Variants in SLC1A1 observed in about 807,000 individuals in gnomAD.
SLC1A1 encodes excitatory amino acid transporter 3.
Under a neutral mutation model 53.3 loss-of-function variants are expected in SLC1A1, and 43 were observed. That is an observed-to-expected ratio of 0.81 (90% CI 0.63 to 1.04). The LOEUF is 1.04. Ranked by LOEUF, SLC1A1 falls within the 50% of genes least tolerant of loss-of-function variation. SLC1A1 has a pLI of 0.00. For missense variants in SLC1A1, 748 were observed against 664.9 expected (o/e 1.12, Z -1.37); for synonymous variants, 307 against 243.2 (o/e 1.26, Z -2.44).
Position 4,564,375 on chromosome 9 carries a change from T to C in SLC1A1, c.357T>C (p.Gly119=). Residue 119 remains glycine (G), a synonymous_variant, in exon 4 of 12, where the codon GGT becomes GGC. Coordinates refer to ENST00000262352, the MANE Select transcript of SLC1A1 (RefSeq NM_004170.6). The part of the protein sequence containing the change: ...GIVLVVSIKP[G]VTQKVGEIAR... ...TGCTGGTGGTGAGCATCAAGCCTGG[T>C]GTCACCCAGAAAGTGGGTGAAATTG... is the stretch of plus-strand genomic sequence containing the variant. 6.2e-7 allele frequency: 1 copy of C among 1,613,736 alleles called. No individual in the cohort carries two copies. The highest frequency in any genetic ancestry group is 2.2e-5 in the East Asian group (1 of 44,856).
At chr9:4,510,632 G>C (rs1162121245) in intron 1 of SLC1A1, among the ~76,000 whole-genome samples, 1 of 152,136 alleles carries the variant, frequency 6.6e-6, no homozygotes, top group Non-Finnish European at 1.5e-5. Flanking sequence ...CTCTTCCCTG[G>C]TGTTGATACA....
intron 1 of SLC1A1, among the ~76,000 whole-genome samples, chr9:4,492,940 C>T (rs558763039): frequency 2.0e-5 from 3 of 152,276 alleles, no homozygotes; most frequent in African/African-American, 4.8e-5. Flanking sequence ...GCACACCACT[C>T]GTCAGCATGC....
intron 5 of SLC1A1, among the ~76,000 whole-genome samples, chr9:4,566,867 A>C: frequency 6.6e-6 from 1 of 152,166 alleles, no homozygotes; most frequent in East Asian, 1.9e-4. Context: ...TGAGTCCATC[A>C]CAAACTGCTG....
chr9:4,564,606 A>G, intron 4 of SLC1A1, 148 bp downstream of exon 4: 1 of 688,416 alleles, frequency 1.5e-6, no homozygotes, highest in Non-Finnish European at 2.7e-6. Context: ...GGAACCCACA[A>G]ATTACATAGC....
chr9:4,578,035 C>G lies in SLC1A1; in HGVS notation c.1193+1272C>G, dbSNP rs188719348. ...TGGGTGGGGCTTACCAGAACAGGAA[C>G]GAGTGTAAGAGAAGCACATATAGGT... On this transcript the variant is annotated intron_variant, in intron 10 of 11. Coordinates refer to ENST00000262352, the MANE Select transcript of SLC1A1 (RefSeq NM_004170.6). Among the ~76,000 whole-genome samples, 226 of 152,260 alleles carry G rather than the reference C, an allele frequency of 1.5e-3. 1 individual carries two copies. Among genetic ancestry groups the G allele is most frequent in the Middle Eastern group, 0.01 (3 of 294 alleles).
chr9:4,562,015 C>A (rs149857041), intron 3 of SLC1A1, among the ~76,000 whole-genome samples: 2,931 of 151,438 alleles, frequency 0.019, 99 homozygotes, highest in African/African-American at 0.067. Context: ...GCCTCAGCCT[C>A]CCAAAGTGCT....
intron 2 of SLC1A1, among the ~76,000 whole-genome samples, chr9:4,555,908 G>C (rs1032003540): frequency 6.6e-6 from 1 of 152,102 alleles, no homozygotes; most frequent in African/African-American, 2.4e-5. Flanking sequence ...ATCTGTTACA[G>C]ATCAATAACC....
chr9:4,561,285 T>A (rs1033781614), intron 2 of SLC1A1, among the ~76,000 whole-genome samples, 164 bp from the exon 3 acceptor site: 1 of 152,162 alleles, frequency 6.6e-6, no homozygotes, highest in Non-Finnish European at 1.5e-5. Flanking sequence ...CTTAAATCTG[T>A]TTGGAATTTT....
Position 4,583,238 on chromosome 9 carries a change from T to A in SLC1A1, c.1328+66T>A. 6.3e-7 allele frequency: 1 copy of A among 1,599,230 alleles called. No individual in the cohort carries two copies. The highest frequency in any genetic ancestry group is 2.2e-5 in the East Asian group (1 of 44,814). On this transcript the variant is annotated intron_variant, in intron 11 of 11. Coordinates refer to ENST00000262352, the MANE Select transcript of SLC1A1 (RefSeq NM_004170.6). The surrounding 1 kb of genome is among the most constrained non-coding windows in gnomAD (Gnocchi z 4.6). The stretch of plus-strand genomic sequence containing the variant: ...GCGGGCTTCCCAGCCTCGCAGGCGC[T>A]GCAGTCTGTCATCATTCTCTCCTCA...
intron 1 of SLC1A1, among the ~76,000 whole-genome samples, chr9:4,502,595 C>A (rs1055865814): frequency 1.3e-5 from 2 of 151,438 alleles, no homozygotes; most frequent in African/African-American, 4.9e-5. Context: ...TCCCATTTTA[C>A]CAGATGAGGA....
chr9:4,566,767 A>G (rs1347115589), intron 5 of SLC1A1, among the ~76,000 whole-genome samples: 1 of 151,654 alleles, frequency 6.6e-6, no homozygotes, highest in East Asian at 1.9e-4. Context: ...CAAAGCCATG[A>G]TTTTTTTTTC....
intron 1 of SLC1A1, among the ~76,000 whole-genome samples, chr9:4,506,292 G>C (rs1820808493): frequency 1.3e-5 from 2 of 152,190 alleles, no homozygotes; most frequent in Admixed American, 1.3e-4. Context: ...CAGTGCTTTA[G>C]AATAACTTGC....
chr9:4,527,484 G>C (rs1331195164), intron 1 of SLC1A1, among the ~76,000 whole-genome samples: 6 of 152,096 alleles, frequency 3.9e-5, no homozygotes, highest in Admixed American at 3.9e-4. Flanking sequence ...GTTTTGTTAT[G>C]GCATTGATTA....
At chr9:4,548,846 T>C (rs1817695503) in intron 2 of SLC1A1, among the ~76,000 whole-genome samples, 1 of 152,182 alleles carries the variant, frequency 6.6e-6, no homozygotes, top group Non-Finnish European at 1.5e-5. Flanking sequence ...GAGACAATCA[T>C]TGTGGGTACC....
intron 1 of SLC1A1, among the ~76,000 whole-genome samples, chr9:4,542,231 T>C (rs1335127316): frequency 6.6e-6 from 1 of 152,112 alleles, no homozygotes; most frequent in Non-Finnish European, 1.5e-5. Context: ...TGGAGTACAA[T>C]TTGTGGCACT....
chr9:4,514,829 TTGA>T (rs1389091938), intron 1 of SLC1A1, among the ~76,000 whole-genome samples: 1 of 152,164 alleles, frequency 6.6e-6, no homozygotes, highest in African/African-American at 2.4e-5. Context: ...TTTTAGGAAG[TTGA>T]TGAAGTAGCC....
chr9:4,563,515 G>C (rs1049948110), intron 3 of SLC1A1, among the ~76,000 whole-genome samples: 9 of 152,170 alleles, frequency 5.9e-5, no homozygotes, highest in Admixed American at 3.3e-4. Flanking sequence ...TAGCAAAATG[G>C]ACCCATTCAG....
intron 6 of SLC1A1, among the ~76,000 whole-genome samples, chr9:4,568,636 G>C (rs952487739): frequency 6.7e-6 from 1 of 150,090 alleles, no homozygotes; most frequent in African/African-American, 2.5e-5. Context: ...CAGGAGGATC[G>C]TTTGAGCTAT....
chr9:4,497,293 G>T (rs1476191163), intron 1 of SLC1A1, among the ~76,000 whole-genome samples: 5 of 152,092 alleles, frequency 3.3e-5, no homozygotes, highest in Non-Finnish European at 7.4e-5. Flanking sequence ...GGCAGAGCCG[G>T]GATTCAAACC....
Sources: allele counts gnomAD v4.1 joint callset (sites outside exome capture counted in the v4.1 genomes callset), GRCh38; gene constraint gnomAD v4.1.1; non-coding constraint Gnocchi (gnomAD v3.1); transcripts MANE v1.5; gene names NCBI Gene and HGNC (gene_info 2026-07-23, HGNC 2026-07-21).